LRRC58: variants seen among roughly 807,000 people sequenced by gnomAD.
The protein encoded by LRRC58 is leucine-rich repeat-containing protein 58.
In LRRC58, 18 loss-of-function variants were observed where a neutral mutation model predicts 30.6. The observed-to-expected ratio is 0.59, with a 90% confidence interval of 0.41 to 0.87. LRRC58 has a LOEUF of 0.87. Ranked by LOEUF, LRRC58 falls within the 40% of genes least tolerant of loss-of-function variation. LRRC58 has a pLI of 0.00. For missense variants in LRRC58, 420 were observed against 468.4 expected, an observed-to-expected ratio of 0.90 and a Z score of 0.95; for synonymous variants, 221 against 206.0, an observed-to-expected ratio of 1.07 and a Z score of -0.62.
intron 1 of LRRC58, among the ~76,000 whole-genome samples, chr3:120,338,682 T>C (rs544464952): frequency 7.2e-5 from 11 of 152,286 alleles, no homozygotes; most frequent in African/African-American, 2.4e-4. Context: ...CCAGTTTGAC[T>C]AGATGAGTAG....
intron 1 of LRRC58, among the ~76,000 whole-genome samples, chr3:120,340,564 T>G (rs1170466564): frequency 6.6e-6 from 1 of 152,194 alleles, no homozygotes; most frequent in Non-Finnish European, 1.5e-5. Flanking sequence ...AACTTGAATC[T>G]AACATTTTGT....
rs542926713 is a variant in LRRC58, at chr3:120,341,639, A to G, written c.501-5686T>C. Among the ~76,000 whole-genome samples the G allele has an allele frequency of 2.6e-5, 4 of 152,280 alleles. No individual in the cohort carries two copies. In the East Asian group the frequency reaches 7.7e-4, roughly 29 times the overall value. ...GGGTGGAGCCCTCGTTAATGGGATT[A>G]GTGTTCTTCTAGGATTCCCAAGGCA... On this transcript the variant is annotated intron_variant, in intron 1 of 3. Coordinates refer to ENST00000295628, the MANE Select transcript of LRRC58 (RefSeq NM_001099678.2).
chr3:120,327,129 GC>G lies in LRRC58; in HGVS notation c.*4070del, dbSNP rs1474157842. On this transcript the variant is annotated 3_prime_UTR_variant, in exon 4 of 4. Coordinates refer to ENST00000295628, the MANE Select transcript of LRRC58 (RefSeq NM_001099678.2). ...AAGGTTTTTGGATGGTAGTCAGTAGGCCACTCAATAACTTAATTTTAAAACA... is the reference window on the plus strand; with the variant it reads ...AAGGTTTTTGGATGGTAGTCAGTAGGCACTCAATAACTTAATTTTAAAACA... The G allele has an allele frequency of 6.6e-6, 1 of 152,108 alleles. No individual in the cohort carries two copies. The highest frequency in any genetic ancestry group is 1.5e-5 in the Non-Finnish European group (1 of 68,014). The allele number at this position is 152,108 out of a possible 1,614,324, so 9.4% of individuals were successfully genotyped here. A position where few individuals can be genotyped will look rare whatever the true frequency, so the allele number is the denominator to read the frequency against.
chr3:120,348,815 G>T lies in LRRC58; in HGVS notation c.429C>A (p.Arg143=). ...QEVPASLLEL[R]ALQTLSLGGN... ...CGCCCAGGCTCAGGGTCTGCAGCGC[G>T]CGCAGCTCTAAGAGCGAGGCAGGCA... Residue 143 remains arginine, a synonymous_variant, in exon 1 of 4, where the codon CGC becomes CGA. Coordinates refer to ENST00000295628, the MANE Select transcript of LRRC58 (RefSeq NM_001099678.2). The T allele has an allele frequency of 1.9e-6, 3 of 1,607,384 alleles. No homozygotes were observed. Among genetic ancestry groups the T allele is most frequent in the Non-Finnish European group, 1.7e-6 (2 of 1,177,600 alleles).
chr3:120,335,029 A>G lies in LRRC58; in HGVS notation c.740T>C (p.Leu247Ser). 6.2e-7 allele frequency: 1 copy of G among 1,613,988 alleles called. No individual in the cohort carries two copies. The highest frequency in any genetic ancestry group is 8.5e-7 in the Non-Finnish European group (1 of 1,179,878). ...TAAATCTCTAACAAAACGAACAACC[A>G]ATGGATTTCCTCGTAAACTCAACTC... The part of the protein sequence containing the change: ...LEELSLRGNP[L>S]VVRFVRDLTY... Residue 247 changes from leucine (L) to serine (S), a missense_variant, in exon 3 of 4, where the codon TTG (leucine) becomes TCG (serine). By Grantham distance (145) the Leu-to-Ser change is moderately radical. This residue lies in a region of LRRC58 where 154 missense variants were observed against 216.8 expected (regional missense o/e 0.71). Coordinates refer to ENST00000295628, the MANE Select transcript of LRRC58 (RefSeq NM_001099678.2).
chr3:120,349,299 A>T lies in LRRC58; in HGVS notation c.-56T>A. ...TTCCCCAGAGCGCCGCGCGCGGTCC[A>T]GAGGCCGGGAGCTCTGCGGCGCCCC... On this transcript the variant is annotated 5_prime_UTR_variant, in exon 1 of 4. Coordinates refer to ENST00000295628, the MANE Select transcript of LRRC58 (RefSeq NM_001099678.2). 1 of 1,340,972 alleles carries T rather than the reference A, an allele frequency of 7.5e-7. No individual in the cohort carries two copies. 83.1% of individuals were successfully genotyped at this position (1,340,972 alleles called of 1,614,324 possible). A position where few individuals can be genotyped will look rare whatever the true frequency, so the allele number is the denominator to read the frequency against.
chr3:120,330,828 T>A lies in LRRC58; in HGVS notation c.*372A>T, dbSNP rs1935745302. On this transcript the variant is annotated 3_prime_UTR_variant, in exon 4 of 4. Transcript: ENST00000295628. ...CTAAACCCAAGGGCAACTCTGGCAATTATAGCTTTGATAATTTCTCACTTT... is the reference window on the plus strand; with the variant it reads ...CTAAACCCAAGGGCAACTCTGGCAAATATAGCTTTGATAATTTCTCACTTT... 3.5e-6 allele frequency: 1 copy of A among 288,504 alleles called. No individual in the cohort carries two copies. 17.9% of individuals were successfully genotyped at this position (288,504 alleles called of 1,614,324 possible).
At position 120,329,629 on chromosome 3, in the gene LRRC58, A is replaced by G. The variant is rs150178913; in HGVS notation, c.*1571T>C. 140 of 151,856 alleles carry G rather than the reference A, an allele frequency of 9.2e-4. 1 individual carries two copies. Among genetic ancestry groups the G allele is most frequent in the African/African-American group, 3.3e-3 (136 of 41,290 alleles). 9.4% of individuals were successfully genotyped at this position (151,856 alleles called of 1,614,324 possible). A position where few individuals can be genotyped will look rare whatever the true frequency, so the allele number is the denominator to read the frequency against. ...GTTTCTTCTAAAATAAAAAATATAT[A>G]TGAAAAAAACCCTAATACATGTATA... On this transcript the variant is annotated 3_prime_UTR_variant, in exon 4 of 4. Coordinates refer to ENST00000295628, the MANE Select transcript of LRRC58 (RefSeq NM_001099678.2).
Position 120,335,888 on chromosome 3 carries a change from G to A in LRRC58, c.566C>T (p.Pro189Leu), listed in dbSNP as rs1455796182. ...KEIPPELGNL[P>L]SLNYLVLCDN... Reference sequence around the variant, plus strand: ...ACATAATACCAAATAATTCAGAGAAGGCAGATTTCCTAATTCTGGTGGGAT... The same window carrying A: ...ACATAATACCAAATAATTCAGAGAAAGCAGATTTCCTAATTCTGGTGGGAT... The change falls in exon 2 of 4, where the codon CCT becomes CTT. Residue 189 changes from proline (P) to leucine (L), a missense_variant. Pro to Leu is a moderately conservative substitution (Grantham distance 98). Around this residue, in one of 2 missense-constraint regions of LRRC58, gnomAD observed 154 missense variants for 216.8 expected, o/e 0.71. Transcript: ENST00000295628. 1.2e-6 allele frequency: 2 copies of A among 1,601,710 alleles called. No homozygotes were observed. Among genetic ancestry groups the A allele is most frequent in the Admixed American group, 1.7e-5 (1 of 59,980 alleles).
chr3:120,333,108 A>AAAAAAAAAAAGAGATCCTTCTGC (rs1935782011), intron 3 of LRRC58, among the ~76,000 whole-genome samples: 1 of 144,954 alleles, frequency 6.9e-6, no homozygotes, highest in Non-Finnish European at 1.5e-5. Flanking sequence ...AAAAAAAAAG[A>AAAAAAAAAAAGAGATCCTTCTGC]AAAAAAAAAA....
Position 120,349,043 on chromosome 3 carries a change from G to A in LRRC58, c.201C>T (p.Phe67=). The change falls in exon 1 of 4, where the codon TTC becomes TTT. Residue 67 remains phenylalanine, a synonymous_variant. Coordinates refer to ENST00000295628, the MANE Select transcript of LRRC58 (RefSeq NM_001099678.2). The part of the protein sequence containing the change: ...VSLPRALGSG[F]PHLQLLDVSG... ...TCACGTCCAGCAGCTGGAGGTGCGGGAAGCCGCTGCCCAGCGCCCGTGGCA... is the reference window on the plus strand; with the variant it reads ...TCACGTCCAGCAGCTGGAGGTGCGGAAAGCCGCTGCCCAGCGCCCGTGGCA... 3 of 1,518,472 alleles carry A rather than the reference G, an allele frequency of 2.0e-6. No individual in the cohort carries two copies. Among genetic ancestry groups the A allele is most frequent in the Non-Finnish European group, 2.6e-6 (3 of 1,141,172 alleles). 94.1% of individuals were successfully genotyped at this position (1,518,472 alleles called of 1,614,324 possible). A position where few individuals can be genotyped will look rare whatever the true frequency, so the allele number is the denominator to read the frequency against.
At chr3:120,342,756 A>G (rs1304572978) in intron 1 of LRRC58, among the ~76,000 whole-genome samples, 1 of 152,242 alleles carries the variant, frequency 6.6e-6, no homozygotes, top group Admixed American at 6.5e-5. Context: ...CCATGGCCAC[A>G]GAGGTTTCCA....
At chr3:120,339,647 G>A (rs999441782) in intron 1 of LRRC58, among the ~76,000 whole-genome samples, 1 of 151,980 alleles carries the variant, frequency 6.6e-6, no homozygotes, top group African/African-American at 2.4e-5. Flanking sequence ...TATTACTATT[G>A]TTCCTTTGTA....
At chr3:120,348,050 A>G (rs1217946587) in intron 1 of LRRC58, among the ~76,000 whole-genome samples, 5 of 152,232 alleles carry the variant, frequency 3.3e-5, no homozygotes, top group African/African-American at 4.8e-5. Context: ...AGGGAGTAGT[A>G]ACGAAAAAAA....
At chr3:120,346,593 T>A (rs1935971576) in intron 1 of LRRC58, among the ~76,000 whole-genome samples, 1 of 152,224 alleles carries the variant, frequency 6.6e-6, no homozygotes, top group Non-Finnish European at 1.5e-5. Flanking sequence ...TTTCTCCCCA[T>A]GTGATGGAAA....
intron 1 of LRRC58, among the ~76,000 whole-genome samples, 163 bp downstream of exon 1, chr3:120,348,581 T>C (rs1176727491): frequency 6.6e-6 from 1 of 152,208 alleles, no homozygotes; most frequent in Admixed American, 6.5e-5. Flanking sequence ...ACTAGGTATT[T>C]ACAACAACTT....
intron 1 of LRRC58, among the ~76,000 whole-genome samples, chr3:120,343,849 G>A (rs888022909): frequency 4.6e-5 from 7 of 152,046 alleles, no homozygotes; most frequent in African/African-American, 1.7e-4. Context: ...GGCCAACATG[G>A]TGAAACCCCG....
intron 1 of LRRC58, among the ~76,000 whole-genome samples, chr3:120,336,244 G>C (rs900632329): frequency 2.6e-5 from 4 of 152,194 alleles, no homozygotes; most frequent in Non-Finnish European, 5.9e-5. Context: ...AATGGTATTA[G>C]GAGTTGAATG....
chr3:120,347,681 G>C (rs1263240925), intron 1 of LRRC58, among the ~76,000 whole-genome samples: 1 of 151,878 alleles, frequency 6.6e-6, no homozygotes, highest in Non-Finnish European at 1.5e-5. Context: ...GTGAGCCACC[G>C]CGCCCGGCCT....
Sources: allele counts gnomAD v4.1 joint callset (sites outside exome capture counted in the v4.1 genomes callset), GRCh38; gene constraint gnomAD v4.1.1; regional missense constraint gnomAD v4.1.1; transcripts MANE v1.5; gene names NCBI Gene and HGNC (gene_info 2026-07-23, HGNC 2026-07-21).